PMFBP1: variants seen among roughly 807,000 people sequenced by gnomAD.
The protein encoded by PMFBP1 is polyamine-modulated factor 1-binding protein 1.
In PMFBP1, 131 loss-of-function variants were observed where a neutral mutation model predicts 137.8. The ratio of observed to expected loss-of-function variants is 0.95; its 90% confidence interval spans 0.82 to 1.10. The LOEUF (loss-of-function observed/expected upper bound fraction) is 1.10. Among genes scored for constraint, PMFBP1 ranks in the 50% least tolerant of loss-of-function variants. The pLI, the probability that PMFBP1 is intolerant of heterozygous loss-of-function variation, is 0.00. For synonymous variants in PMFBP1, 490 were observed against 450.4 expected (o/e 1.09, Z -1.11); for missense variants, 1,199 against 1,175.4 (o/e 1.02, Z -0.29).
At chr16:72,160,768 T>C (rs1344353400) in intron 3 of PMFBP1, among the ~76,000 whole-genome samples, 1 of 152,218 alleles carries the variant, frequency 6.6e-6, no homozygotes, top group Non-Finnish European at 1.5e-5. Flanking sequence ...AATACATTTG[T>C]ATAGTTGAAA....
At chr16:72,143,873 C>G (rs1204152260) in intron 5 of PMFBP1, among the ~76,000 whole-genome samples, 1 of 151,830 alleles carries the variant, frequency 6.6e-6, no homozygotes, top group Non-Finnish European at 1.5e-5. Flanking sequence ...AAACACTCCT[C>G]TCTACTAAAA....
chr16:72,201,159 C>G, the PMFBP1 span, among the ~76,000 whole-genome samples: 1 of 152,178 alleles, frequency 6.6e-6, no homozygotes, highest in Non-Finnish European at 1.5e-5. Flanking sequence ...TCCCCCCTCC[C>G]CCAGCAATAC....
chr16:72,140,407 C>G lies in PMFBP1; in HGVS notation c.807+5G>C. On this transcript the variant is annotated splice_donor_5th_base_variant and intron_variant, in intron 6 of 20. Transcript: ENST00000237353. ...CAGAGACATGTTCTAGAAGAAGGCA[C>G]TTACCAAAGCGTTACTGCAGGCCAG... is the stretch of plus-strand genomic sequence containing the variant. 1 of 1,611,238 alleles carries G rather than the reference C, an allele frequency of 6.2e-7. No individual in the cohort carries two copies. Among genetic ancestry groups the G allele is most frequent in the Non-Finnish European group, 8.5e-7 (1 of 1,177,406 alleles).
chr16:72,172,717 T>C (rs993105609), upstream of PMFBP1, among the ~76,000 whole-genome samples: 1 of 152,040 alleles, frequency 6.6e-6, no homozygotes, highest in African/African-American at 2.4e-5. Context: ...TCTCAGTGCA[T>C]AGAAAACCTA....
At chr16:72,145,077 C>T (rs558431398) in intron 5 of PMFBP1, among the ~76,000 whole-genome samples, 127 of 152,322 alleles carry the variant, frequency 8.3e-4, no homozygotes, top group Non-Finnish European at 1.6e-3. Flanking sequence ...ACAGAATATA[C>T]ATTCTTCTCA....
intron 3 of PMFBP1, among the ~76,000 whole-genome samples, chr16:72,163,931 G>C (rs543531901): frequency 1.3e-5 from 2 of 151,920 alleles, no homozygotes; most frequent in Non-Finnish European, 1.5e-5. Flanking sequence ...GAAAGGGTGG[G>C]GGGGGTGAGG....
At chr16:72,200,678 TTAATC>T in the PMFBP1 span, among the ~76,000 whole-genome samples, 2 of 152,282 alleles carry the variant, frequency 1.3e-5, no homozygotes, top group African/African-American at 4.8e-5. Flanking sequence ...ATTATGTTCG[TTAATC>T]TATAGTCAAG....
the PMFBP1 span, among the ~76,000 whole-genome samples, chr16:72,213,454 G>A: frequency 3.6e-4 from 55 of 152,298 alleles, 1 homozygote; most frequent in South Asian, 0.01. Context: ...CTGCCCTGTG[G>A]AGAGGCCCAT....
At chr16:72,180,152 A>G (rs2043271242), upstream of PMFBP1, among the ~76,000 whole-genome samples, 1 of 152,166 alleles carries the variant, frequency 6.6e-6, no homozygotes, top group South Asian at 2.1e-4. Context: ...TAGCTTTGCT[A>G]AAGGGTACCT....
At chr16:72,147,079 A>C (rs1396505270) in intron 5 of PMFBP1, among the ~76,000 whole-genome samples, 1 of 152,196 alleles carries the variant, frequency 6.6e-6, no homozygotes, top group Non-Finnish European at 1.5e-5. Context: ...AATCCTAAGC[A>C]AAAAGAACAA....
the PMFBP1 span, among the ~76,000 whole-genome samples, chr16:72,214,042 T>C: frequency 1.3e-5 from 2 of 152,098 alleles, no homozygotes; most frequent in Non-Finnish European, 2.9e-5. Context: ...ATTTTTAACA[T>C]CACAAAAAAA....
chr16:72,176,069 T>C (rs1478433439), upstream of PMFBP1, among the ~76,000 whole-genome samples: 2 of 152,010 alleles, frequency 1.3e-5, no homozygotes, highest in Non-Finnish European at 2.9e-5. Context: ...GGAGATGATG[T>C]TGGAGATGGT....
At chr16:72,169,427 G>T (rs1350278949) in intron 2 of PMFBP1, among the ~76,000 whole-genome samples, 1 of 152,114 alleles carries the variant, frequency 6.6e-6, no homozygotes, top group Non-Finnish European at 1.5e-5. Context: ...AAATATTACA[G>T]TTTTTGCATT....
At position 72,132,953 on chromosome 16, in the gene PMFBP1, C is replaced by T. The variant is rs2042571672; in HGVS notation, c.1242G>A (p.Glu414=). Residue 414 remains glutamate (E), a synonymous_variant, in exon 10 of 21, where the codon GAG becomes GAA. Transcript: ENST00000237353. ...QEKDEMLQEL[E]KKLTQVQNSL... is the part of the protein sequence containing the mutation. The stretch of plus-strand genomic sequence containing the variant: ...TGTTCTGAACCTGTGTCAGTTTCTT[C>T]TCCAGCTCTTGCAGCATCTCATCTT... The T allele has an allele frequency of 1.2e-6, 2 of 1,614,088 alleles. No homozygotes were observed. Among genetic ancestry groups the T allele is most frequent in the South Asian group, 2.2e-5 (2 of 91,088 alleles).
chr16:72,154,294 G>T lies in PMFBP1; in HGVS notation c.331C>A (p.Leu111Ile). 1 of 1,614,178 alleles carries T rather than the reference G, an allele frequency of 6.2e-7. No individual in the cohort carries two copies. The change falls in exon 4 of 21, where the codon CTC (leucine) becomes ATC (isoleucine). Residue 111 changes from leucine to isoleucine, a missense_variant. Transcript: ENST00000237353. The part of the protein sequence containing the change: ...TEELQTSYYS[L>I]RQYQSILEKQ... Reference sequence around the variant, plus strand: ...TCTAGGATGGACTGATACTGGCGGAGAGAATAGTAAGAAGTCTGCAACTCC... The same window carrying T: ...TCTAGGATGGACTGATACTGGCGGATAGAATAGTAAGAAGTCTGCAACTCC...
the PMFBP1 span, among the ~76,000 whole-genome samples, chr16:72,192,273 T>A: frequency 4.6e-5 from 7 of 152,218 alleles, no homozygotes; most frequent in African/African-American, 1.7e-4. Context: ...AACAGTTTAA[T>A]GTCACTTTAG....
chr16:72,119,870 G>T lies in PMFBP1; in HGVS notation c.2988C>A (p.Ile996=), dbSNP rs377243542. The T allele has an allele frequency of 1.2e-6, 2 of 1,614,024 alleles. No homozygotes were observed. The highest frequency in any genetic ancestry group is 1.7e-6 in the Non-Finnish European group (2 of 1,180,030). Residue 996 remains isoleucine, a synonymous_variant, in exon 20 of 21, where the codon ATC becomes ATA. Coordinates refer to ENST00000237353, the MANE Select transcript of PMFBP1 (RefSeq NM_031293.3). ...MGQRMDLTKY[I]GMPHCPGSSY... is the part of the protein sequence containing the mutation. Reference sequence around the variant, plus strand: ...ACGTACCCGGGCAGTGGGGCATCCCGATGTACTTGGTGAGGTCCATTCTTT... The same window carrying T: ...ACGTACCCGGGCAGTGGGGCATCCCTATGTACTTGGTGAGGTCCATTCTTT...
the PMFBP1 span, among the ~76,000 whole-genome samples, chr16:72,205,972 G>C: frequency 6.6e-6 from 1 of 152,128 alleles, no homozygotes; most frequent in Non-Finnish European, 1.5e-5. Flanking sequence ...CACACACACA[G>C]AGCCAGAAAG....
the PMFBP1 span, among the ~76,000 whole-genome samples, chr16:72,203,843 T>C: frequency 2.0e-5 from 3 of 152,174 alleles, no homozygotes; most frequent in African/African-American, 4.8e-5. Flanking sequence ...TGACCCTTAA[T>C]CAAAACAGAG....
Sources: gnomAD v4.1 joint callset for allele counts (sites outside exome capture counted in the v4.1 genomes callset) on GRCh38, gnomAD v4.1.1 for gene constraint, MANE v1.5 for transcripts, NCBI Gene and HGNC (gene_info 2026-07-23, HGNC 2026-07-21) for gene names.